Variants in RHOBTB1 observed in about 807,000 individuals in gnomAD.
RHOBTB1 encodes the protein Rho related BTB domain containing 1.
Under a neutral mutation model 71.6 loss-of-function variants are expected in RHOBTB1, and 40 were observed. The observed-to-expected ratio is 0.56, with a 90% CI of 0.43 to 0.73. RHOBTB1 has a LOEUF of 0.73. Among genes scored for constraint, RHOBTB1 ranks in the 30% least tolerant of loss-of-function variants. The pLI, the probability that RHOBTB1 is intolerant of heterozygous loss-of-function variation, is 0.00. For missense variants in RHOBTB1, 797 were observed against 894.0 expected (o/e 0.89, Z 1.38); for synonymous variants, 319 against 334.9 (o/e 0.95, Z 0.52).
At chr10:60,966,084 G>A (rs951598082) in intron 2 of RHOBTB1, among the ~76,000 whole-genome samples, 3 of 151,950 alleles carry the variant, frequency 2.0e-5, no homozygotes, top group Non-Finnish European at 4.4e-5. Flanking sequence ...AAAGTTTGAA[G>A]AACAGACTAG....
intron 2 of RHOBTB1, among the ~76,000 whole-genome samples, chr10:60,984,118 A>C (rs533125501): frequency 6.6e-6 from 1 of 152,178 alleles, no homozygotes; most frequent in Non-Finnish European, 1.5e-5. Context: ...TTTTGCTCCA[A>C]TTGGGTAGGC....
intron 2 of RHOBTB1, among the ~76,000 whole-genome samples, chr10:60,913,143 G>T (rs1052414076): frequency 3.3e-5 from 5 of 152,182 alleles, no homozygotes; most frequent in African/African-American, 7.2e-5. Flanking sequence ...ATATTAAGAA[G>T]AATTCTTTTT....
In RHOBTB1 at chr10:60,944,132, A is replaced by G. The variant is rs2085095041; in HGVS notation, c.-223T>C. 1 of 151,882 alleles carries G rather than the reference A, an allele frequency of 6.6e-6. No individual in the cohort carries two copies. The highest frequency in any genetic ancestry group is 6.6e-5 in the Admixed American group (1 of 15,250). 9.4% of individuals were successfully genotyped at this position (151,882 alleles called of 1,614,324 possible). ...CCGCCCAACTTTGCACAAAGGCAGC[A>G]TGGCACTGCCTCGCCCTGCCGCCTC... On this transcript the variant is annotated 5_prime_UTR_variant, in exon 1 of 11. The change abolishes an upstream ATG in the 5' untranslated region. Coordinates refer to ENST00000337910, the MANE Select transcript of RHOBTB1 (RefSeq NM_014836.5).
intron 2 of RHOBTB1, chr10:60,912,959 T>C (rs919867681): frequency 1.3e-5 from 2 of 152,194 alleles, no homozygotes; most frequent in Non-Finnish European, 2.9e-5. Flanking sequence ...GAAAAGTGGG[T>C]GGGCGGTCAT....
At chr10:60,874,066 C>T (rs766739313) in intron 9 of RHOBTB1, among the ~76,000 whole-genome samples, 1 of 152,244 alleles carries the variant, frequency 6.6e-6, no homozygotes, top group African/African-American at 2.4e-5. Context: ...CTCCCTGAAA[C>T]CACCTCCTTT....
rs372087538 is a variant in RHOBTB1, at chr10:60,889,128, T to G, written c.540A>C (p.Glu180Asp). The change falls in exon 6 of 11, where the codon GAA (glutamate) becomes GAC (aspartate). Residue 180 changes from glutamate (E) to aspartate (D), a missense_variant. This residue lies in a region of RHOBTB1 where 658 missense variants were observed against 681.5 expected (regional missense o/e 0.97). Coordinates refer to ENST00000337910, the MANE Select transcript of RHOBTB1 (RefSeq NM_014836.5). ...PPEKGREVAKELGLPYYETSV... is the reference protein window; with the variant it reads ...PPEKGREVAKDLGLPYYETSV... Reference sequence around the variant, plus strand: ...TTGTTTCATAGTATGGTAAGCCAAGTTCCTTTGCTACCTCTCGGCCTTTTT... The same window carrying G: ...TTGTTTCATAGTATGGTAAGCCAAGGTCCTTTGCTACCTCTCGGCCTTTTT... 6.2e-7 allele frequency: 1 copy of G among 1,613,878 alleles called. No individual in the cohort carries two copies. Among genetic ancestry groups the G allele is most frequent in the Admixed American group, 1.7e-5 (1 of 59,980 alleles).
intron 2 of RHOBTB1, among the ~76,000 whole-genome samples, chr10:60,964,576 T>C (rs2085896232): frequency 1.3e-5 from 2 of 152,164 alleles, no homozygotes; most frequent in Admixed American, 1.3e-4. Context: ...TCTATCCTAA[T>C]TTTCCTGCAG....
intron 4 of RHOBTB1, among the ~76,000 whole-genome samples, chr10:60,895,189 T>C (rs2082102601): frequency 6.6e-6 from 1 of 152,198 alleles, no homozygotes; most frequent in Non-Finnish European, 1.5e-5. Context: ...AATAATTCAA[T>C]GTCCTGTAAA....
intron 2 of RHOBTB1, among the ~76,000 whole-genome samples, chr10:60,952,989 T>A (rs528737288): frequency 6.6e-6 from 1 of 152,240 alleles, no homozygotes; most frequent in East Asian, 1.9e-4. Flanking sequence ...TTCCTTGGGA[T>A]TTCCTTAACA....
chr10:60,946,766 C>T (rs1472941101), upstream of RHOBTB1, among the ~76,000 whole-genome samples: 1 of 152,188 alleles, frequency 6.6e-6, no homozygotes, highest in African/African-American at 2.4e-5. Flanking sequence ...TCAGGGTACC[C>T]TTCAGCTCTT....
chr10:60,958,261 G>A (rs541771319), intron 2 of RHOBTB1, among the ~76,000 whole-genome samples: 1 of 152,232 alleles, frequency 6.6e-6, no homozygotes, highest in South Asian at 2.1e-4. Context: ...ACACTAATGG[G>A]ATTCTAAATT....
chr10:60,973,457 G>A (rs964176172), intron 2 of RHOBTB1, among the ~76,000 whole-genome samples: 3 of 151,864 alleles, frequency 2.0e-5, no homozygotes, highest in Non-Finnish European at 4.4e-5. Context: ...CTTTTTTGTT[G>A]TTGTTTTTAA....
At chr10:60,895,153 A>T (rs1319804018) in intron 4 of RHOBTB1, among the ~76,000 whole-genome samples, 3 of 152,250 alleles carry the variant, frequency 2.0e-5, no homozygotes, top group Non-Finnish European at 4.4e-5. Flanking sequence ...ATCTAAATGC[A>T]TGAAATGCCA....
rs772424708 is a variant in RHOBTB1 at position 60,875,017 on chromosome 10, G to A, written c.1752C>T (p.Thr584=). 6.2e-7 allele frequency: 1 copy of A among 1,614,090 alleles called. No homozygotes were observed. The highest frequency in any genetic ancestry group is 1.1e-5 in the South Asian group (1 of 91,080). The change falls in exon 9 of 11, where the codon ACC becomes ACT. Residue 584 remains threonine (T), a synonymous_variant. Coordinates refer to ENST00000337910, the MANE Select transcript of RHOBTB1 (RefSeq NM_014836.5). Reference sequence around the variant, plus strand: ...TGCCCACGCCACTCGTGGCGGCTTTGGTCAACTCCTGAACGGCATGCTGTT... The same window carrying A: ...TGCCCACGCCACTCGTGGCGGCTTTAGTCAACTCCTGAACGGCATGCTGTT... ...LAEQHAVQEL[T]KAATSGVGID...
chr10:60,865,644 C>A (rs573270986), downstream of RHOBTB1, among the ~76,000 whole-genome samples: 1 of 152,282 alleles, frequency 6.6e-6, no homozygotes, highest in African/African-American at 2.4e-5. Flanking sequence ...GAAGCTAAAC[C>A]TAGTTTCTCT....
chr10:60,998,831 C>T (rs1161487870), intron 1 of RHOBTB1, among the ~76,000 whole-genome samples: 2 of 152,244 alleles, frequency 1.3e-5, no homozygotes, highest in Admixed American at 1.3e-4. Context: ...CTCTTCCACA[C>T]TTCAGTGCAG....
Position 60,892,801 on chromosome 10 carries a change from T to C in RHOBTB1, c.482+9A>G, listed in dbSNP as rs751503706. ...TCAGGACAGGGAAACACTGAGTCCC[T>C]TGGCTTACCTTGCTAACGGGCGCCT... On this transcript the variant is annotated intron_variant, in intron 5 of 10. Coordinates refer to ENST00000337910, the MANE Select transcript of RHOBTB1 (RefSeq NM_014836.5). The C allele has an allele frequency of 3.7e-6, 6 of 1,609,440 alleles. No homozygotes were observed. The highest frequency in any genetic ancestry group is 1.1e-5 in the South Asian group (1 of 90,240).
chr10:60,913,454 T>C (rs2083098146), intron 2 of RHOBTB1, among the ~76,000 whole-genome samples: 1 of 152,224 alleles, frequency 6.6e-6, no homozygotes, highest in East Asian at 1.9e-4. Context: ...CCAGGCATGG[T>C]GACTCCTAAA....
At chr10:60,886,260 G>A (rs762117002) in intron 6 of RHOBTB1, 30 bp from the exon 7 acceptor site, 4 of 1,569,656 alleles carry the variant, frequency 2.5e-6, no homozygotes, top group African/African-American at 1.4e-5. Flanking sequence ...ACACAACCAT[G>A]AGCCAACTTT....
Sources: gnomAD v4.1 joint callset for allele counts (sites outside exome capture counted in the v4.1 genomes callset) on GRCh38, gnomAD v4.1.1 for gene constraint, gnomAD v4.1.1 regional missense constraint, MANE v1.5 for transcripts, NCBI Gene and HGNC (gene_info 2026-07-23, HGNC 2026-07-21) for gene names.